The following FER1L5 variants were observed in gnomAD, a reference collection of about 807,000 sequenced individuals.
FER1L5 encodes fer-1-like protein 5.
Under a neutral mutation model 279.9 loss-of-function variants are expected in FER1L5, and 187 were observed. The observed-to-expected ratio is 0.67, with a 90% confidence interval of 0.59 to 0.75. The LOEUF (loss-of-function observed/expected upper bound fraction) is 0.75, where lower values mean the gene tolerates loss of function less well. Among genes scored for constraint, FER1L5 ranks in the 30% least tolerant of loss-of-function variants. The pLI is 0.00. For missense variants in FER1L5, 2,091 were observed against 2,594.4 expected (o/e 0.81, Z 4.21); for synonymous variants, 921 against 989.7 (o/e 0.93, Z 1.30).
chr2:96,656,319 C>T (rs1463455332), intron 9 of FER1L5, among the ~76,000 whole-genome samples: 5 of 152,200 alleles, frequency 3.3e-5, no homozygotes, highest in Non-Finnish European at 5.9e-5. Flanking sequence ...AATTGTTTTA[C>T]ATATTTCTTT....
chr2:96,702,758 G>C lies in FER1L5; in HGVS notation c.5397+17G>C, dbSNP rs773500264. On this transcript the variant is annotated intron_variant, in intron 48 of 52. Coordinates refer to ENST00000624922, the MANE Select transcript of FER1L5 (RefSeq NM_001293083.2). The surrounding 1 kb of genome is among the most constrained non-coding windows in gnomAD (Gnocchi z 4.0). ...AGCCAGAAGGTAACAGGCCTGGGGC[G>C]TGAGGGGCAACAGGCCACAACAAAC... is the stretch of plus-strand genomic sequence containing the variant. 7.4e-6 allele frequency: 12 copies of C among 1,611,212 alleles called. No individual in the cohort carries two copies. The highest frequency in any genetic ancestry group is 1.7e-5 in the Admixed American group (1 of 59,696).
chr2:96,703,054 T>A lies in FER1L5; in HGVS notation c.5474T>A (p.Ile1825Asn), dbSNP rs755302915. The change falls in exon 49 of 53, where the codon ATC (isoleucine) becomes AAC (asparagine). Residue 1825 changes from isoleucine to asparagine, a missense_variant. By Grantham distance (149) the Ile-to-Asn change is moderately radical (BLOSUM62 -3). Coordinates refer to ENST00000624922, the MANE Select transcript of FER1L5 (RefSeq NM_001293083.2). ...RLIIQVWDND[I>N]FSPDDFLGVL... is the part of the protein sequence containing the mutation. The stretch of plus-strand genomic sequence containing the variant: ...ATCATCCAGGTCTGGGACAATGACA[T>A]CTTCTCCCCCGACGACTTCCTAGGT... The A allele has an allele frequency of 1.9e-6, 3 of 1,613,634 alleles. No individual in the cohort carries two copies. The highest frequency in any genetic ancestry group is 1.1e-5 in the South Asian group (1 of 90,992).
intron 9 of FER1L5, among the ~76,000 whole-genome samples, chr2:96,656,527 G>T (rs1156382416): frequency 1.3e-5 from 2 of 152,192 alleles, no homozygotes; most frequent in Non-Finnish European, 2.9e-5. Flanking sequence ...CTACTCATGA[G>T]GCTGAGGCAG....
rs1157649351 is a variant in FER1L5 at position 96,673,056 on chromosome 2, TG to T, written c.1492-16del. On this transcript the variant is annotated intron_variant, in intron 18 of 52. Coordinates refer to ENST00000624922, the MANE Select transcript of FER1L5 (RefSeq NM_001293083.2). The stretch of plus-strand genomic sequence containing the variant: ...TGGCTTATGTACTGGGTATGGGGGG[TG>T]GGGGCGGTTATTGTTTCAGAAGCAC... 1 of 1,547,486 alleles carries T rather than the reference TG, an allele frequency of 6.5e-7. No homozygotes were observed. The highest frequency in any genetic ancestry group is 8.7e-7 in the Non-Finnish European group (1 of 1,144,994).
chr2:96,703,303 G>T lies in FER1L5; in HGVS notation c.5648G>T (p.Trp1883Leu). 6.2e-7 allele frequency: 1 copy of T among 1,613,480 alleles called. No homozygotes were observed. Among genetic ancestry groups the T allele is most frequent in the South Asian group, 1.1e-5 (1 of 90,992 alleles). Reference sequence around the variant, plus strand: ...TTTAAGAAGAAGACTGTGACTGGCTGGTGGCCTTGCCAGGTCCTCGATGGT... The same window carrying T: ...TTTAAGAAGAAGACTGTGACTGGCTTGTGGCCTTGCCAGGTCCTCGATGGT... ...SLFKKKTVTG[W>L]WPCQVLDGGK... is the part of the protein sequence containing the mutation. Residue 1883 changes from tryptophan (W) to leucine (L), a missense_variant, in exon 50 of 53, where the codon TGG (tryptophan) becomes TTG (leucine). Coordinates refer to ENST00000624922, the MANE Select transcript of FER1L5 (RefSeq NM_001293083.2).
In FER1L5 at chr2:96,691,650, C is replaced by T; in HGVS notation, c.3075+38C>T. On this transcript the variant is annotated intron_variant, in intron 29 of 52. Transcript: ENST00000624922. This position sits in a 1 kb window ranked among gnomAD's most constrained non-coding sequence, Gnocchi z 6.0. ...AGGCTGGGTGATGCCTGCCTGTAAC[C>T]CCACCTCCCAGAGAAGCCAGGGCCT... The T allele has an allele frequency of 6.6e-7, 1 of 1,507,612 alleles. No individual in the cohort carries two copies. Among genetic ancestry groups the T allele is most frequent in the Non-Finnish European group, 8.9e-7 (1 of 1,125,256 alleles). 93.4% of individuals were successfully genotyped at this position (1,507,612 alleles called of 1,614,324 possible).
chr2:96,697,864 C>G, intron 39 of FER1L5, 103 bp downstream of exon 39: 1 of 1,476,110 alleles, frequency 6.8e-7, no homozygotes, highest in Non-Finnish European at 9.2e-7. Flanking sequence ...GGAAGGTTCC[C>G]GCACTGTCTC....
chr2:96,669,340 G>T (rs1005805322), intron 17 of FER1L5, among the ~76,000 whole-genome samples: 10 of 152,188 alleles, frequency 6.6e-5, no homozygotes, highest in African/African-American at 1.9e-4. Flanking sequence ...GGAAGCTCTG[G>T]GCTTTCCCTG....
chr2:96,657,831 T>TA (rs1159077791), intron 9 of FER1L5, among the ~76,000 whole-genome samples: 4 of 152,192 alleles, frequency 2.6e-5, no homozygotes, highest in Non-Finnish European at 5.9e-5. Context: ...ATGGATGTAC[T>TA]ATAGTTTAAT....
Position 96,700,355 on chromosome 2 carries a change from G to A in FER1L5, c.4954G>A (p.Gly1652Ser), listed in dbSNP as rs1426872456. 1 of 1,613,458 alleles carries A rather than the reference G, an allele frequency of 6.2e-7. No homozygotes were observed. The highest frequency in any genetic ancestry group is 8.5e-7 in the Non-Finnish European group (1 of 1,179,882). ...SFEPKTPTVH[G>S]LGPKKERLAL... Reference sequence around the variant, plus strand: ...AGAGCCCAAAACCCCTACTGTTCATGGTTTGGGACCCAAGAAGGAACGCCT... The same window carrying A: ...AGAGCCCAAAACCCCTACTGTTCATAGTTTGGGACCCAAGAAGGAACGCCT... Residue 1652 changes from glycine to serine, a missense_variant, in exon 45 of 53, where the codon GGT (glycine) becomes AGT (serine). Coordinates refer to ENST00000624922, the MANE Select transcript of FER1L5 (RefSeq NM_001293083.2).
Position 96,693,985 on chromosome 2 carries a change from C to T in FER1L5, c.3549C>T (p.Pro1183=), listed in dbSNP as rs2077260311. Residue 1183 remains proline, a synonymous_variant, in exon 33 of 53, where the codon CCC becomes CCT. Coordinates refer to ENST00000624922, the MANE Select transcript of FER1L5 (RefSeq NM_001293083.2). ...VWLDLQDRIL[P]PMRWHPLVKE... ...TGGATCTCCAGGACCGGATCCTGCC[C>T]CCCATGAGGTGGCATCCCCTTGTAA... 6.4e-7 allele frequency: 1 copy of T among 1,551,544 alleles called. No individual in the cohort carries two copies. Among genetic ancestry groups the T allele is most frequent in the Non-Finnish European group, 8.7e-7 (1 of 1,146,958 alleles).
intron 1 of FER1L5, among the ~76,000 whole-genome samples, chr2:96,645,110 GC>G (rs1485185637): frequency 2.6e-5 from 4 of 152,254 alleles, no homozygotes; most frequent in Admixed American, 2.0e-4. Flanking sequence ...TGCTTGGAGG[GC>G]CTTTTACCCA....
rs1172499162 is a variant in FER1L5 at position 96,670,230 on chromosome 2, G to A, written c.1474G>A (p.Glu492Lys). ...QDSTIKDLSH[E>K]VTRIEKHQNR... ...CTCCACGATAAAGGATCTCTCCCAT[G>A]AAGTGACCAGGATAGAGGTAACTGC... The change falls in exon 18 of 53, where the codon GAA becomes AAA. Residue 492 changes from glutamate (E) to lysine (K), a missense_variant. By Grantham distance (56) the Glu-to-Lys change is moderately conservative (BLOSUM62 1). Coordinates refer to ENST00000624922, the MANE Select transcript of FER1L5 (RefSeq NM_001293083.2). 3 of 1,551,594 alleles carry A rather than the reference G, an allele frequency of 1.9e-6. No individual in the cohort carries two copies. In the Admixed American group the frequency reaches 5.9e-5, roughly 30 times the overall value.
At position 96,703,615 on chromosome 2, in the gene FER1L5, C is replaced by G; in HGVS notation, c.5784C>G (p.Pro1928=). 1 of 1,613,940 alleles carries G rather than the reference C, an allele frequency of 6.2e-7. No homozygotes were observed. The highest frequency in any genetic ancestry group is 8.5e-7 in the Non-Finnish European group (1 of 1,179,878). The change falls in exon 51 of 53, where the codon CCC becomes CCG. Residue 1928 remains proline, a synonymous_variant. Coordinates refer to ENST00000624922, the MANE Select transcript of FER1L5 (RefSeq NM_001293083.2). ...GRGQSEPNQY[P]TLHPPLRTNT... ...GCCAGTCGGAACCCAACCAGTACCCCACACTTCATCCTCCCCTGTAAGGGT... is the reference window on the plus strand; with the variant it reads ...GCCAGTCGGAACCCAACCAGTACCCGACACTTCATCCTCCCCTGTAAGGGT...
At chr2:96,700,864 A>G (rs2077564818) in intron 45 of FER1L5, among the ~76,000 whole-genome samples, 1 of 152,218 alleles carries the variant, frequency 6.6e-6, no homozygotes, top group South Asian at 2.1e-4. Context: ...TCTTCTTCAC[A>G]GCAAATAACC....
intron 19 of FER1L5, among the ~76,000 whole-genome samples, chr2:96,681,572 A>G (rs896956098): frequency 3.3e-5 from 5 of 151,918 alleles, no homozygotes; most frequent in Non-Finnish European, 5.9e-5. Context: ...TAATTTGTAC[A>G]TTTGATATAT....
chr2:96,656,740 C>A (rs1407061030), intron 9 of FER1L5, among the ~76,000 whole-genome samples: 5 of 151,768 alleles, frequency 3.3e-5, no homozygotes, highest in African/African-American at 2.4e-5. Flanking sequence ...TCTGCTCCCC[C>A]ACTTCCTCTT....
At chr2:96,659,416 T>TC (rs1193138247) in intron 9 of FER1L5, among the ~76,000 whole-genome samples, 15 of 6,880 alleles carry the variant, frequency 2.2e-3, no homozygotes, top group African/African-American at 6.1e-3. Flanking sequence ...TTTCTTTCTT[T>TC]CTTTCTTTCT....
chr2:96,663,406 G>A (rs999157682), intron 13 of FER1L5, 33 bp from the exon 14 acceptor site: 1 of 1,549,530 alleles, frequency 6.5e-7, no homozygotes, highest in African/African-American at 1.4e-5. Context: ...GGAGGGGGCA[G>A]GCTGGCACCA....
Sources: allele counts gnomAD v4.1 joint callset (sites outside exome capture counted in the v4.1 genomes callset), GRCh38; gene constraint gnomAD v4.1.1; non-coding constraint Gnocchi (gnomAD v3.1); transcripts MANE v1.5; gene names NCBI Gene and HGNC (gene_info 2026-07-23, HGNC 2026-07-21).